The following PTPRD variants were observed in gnomAD, a reference collection of about 807,000 sequenced individuals.
The protein encoded by PTPRD is receptor-type tyrosine-protein phosphatase delta.
A neutral mutation model predicts 214.5 loss-of-function variants in PTPRD; 34 were observed. The ratio of observed to expected loss-of-function variants is 0.16; its 90% CI spans 0.12 to 0.21. PTPRD has a LOEUF of 0.21. Among genes scored for constraint, PTPRD ranks in the 10% least tolerant of loss-of-function variants. The pLI, the probability that PTPRD is intolerant of heterozygous loss-of-function variation, is 1.00. For synonymous variants in PTPRD, 1,128 were observed against 845.7 expected, an observed-to-expected ratio of 1.33 and a Z score of -5.79; for missense variants, 2,545 against 2,398.7, an observed-to-expected ratio of 1.06 and a Z score of -1.27.
At chr9:10,338,402 C>A (rs1307781751) in intron 3 of PTPRD, among the ~76,000 whole-genome samples, 2 of 151,674 alleles carry the variant, frequency 1.3e-5, no homozygotes, top group African/African-American at 4.8e-5. Context: ...CACACGCAGA[C>A]AAATGAAACT....
chr9:10,484,313 C>A (rs2099118610), intron 2 of PTPRD, among the ~76,000 whole-genome samples: 1 of 152,044 alleles, frequency 6.6e-6, no homozygotes, highest in African/African-American at 2.4e-5. Context: ...TGTGGAAAGA[C>A]AGTTGTACCC....
intron 3 of PTPRD, among the ~76,000 whole-genome samples, chr9:10,038,271 A>C (rs892163488): frequency 6.6e-6 from 1 of 152,086 alleles, no homozygotes; most frequent in Non-Finnish European, 1.5e-5. Context: ...ATTCTACAAC[A>C]TCTCTCATGA....
chr9:8,791,448 A>G (rs1162664719), intron 11 of PTPRD, among the ~76,000 whole-genome samples: 1 of 149,870 alleles, frequency 6.7e-6, no homozygotes, highest in African/African-American at 2.5e-5. Context: ...CTGGTCTCGA[A>G]CTCCTGACCT....
At chr9:8,809,323 C>T (rs1038064023) in intron 11 of PTPRD, among the ~76,000 whole-genome samples, 3 of 152,142 alleles carry the variant, frequency 2.0e-5, no homozygotes. Context: ...TAATCTCTGA[C>T]ATACAGTGTA....
intron 3 of PTPRD, among the ~76,000 whole-genome samples, chr9:10,090,012 G>C (rs140933966): frequency 2.5e-3 from 386 of 151,702 alleles, no homozygotes; most frequent in African/African-American, 8.6e-3. Flanking sequence ...CACATGCAGA[G>C]AGTGAAGGAC....
chr9:10,064,150 T>C (rs2097833909), intron 3 of PTPRD, among the ~76,000 whole-genome samples: 1 of 151,974 alleles, frequency 6.6e-6, no homozygotes, highest in Admixed American at 6.6e-5. Context: ...CTGTCTTATC[T>C]TTACCAGAAT....
chr9:8,680,872 A>G (rs960861659), intron 12 of PTPRD, among the ~76,000 whole-genome samples: 6 of 152,186 alleles, frequency 3.9e-5, no homozygotes, highest in African/African-American at 1.4e-4. Context: ...ATGTAGTCGA[A>G]TGATTGGCCT....
chr9:10,248,225 G>A (rs2092384332), intron 3 of PTPRD, among the ~76,000 whole-genome samples: 1 of 152,070 alleles, frequency 6.6e-6, no homozygotes, highest in Non-Finnish European at 1.5e-5. Flanking sequence ...AGCAGTAAGG[G>A]TTAAAGTGTC....
intron 14 of PTPRD, among the ~76,000 whole-genome samples, chr9:8,590,795 G>C (rs1051922427): frequency 7.9e-5 from 12 of 152,112 alleles, no homozygotes; most frequent in African/African-American, 2.9e-4. Flanking sequence ...CTAAAATTAA[G>C]GTAGGTAATT....
At chr9:8,876,892 G>A (rs1489793566) in intron 11 of PTPRD, among the ~76,000 whole-genome samples, 1 of 151,752 alleles carries the variant, frequency 6.6e-6, no homozygotes, top group African/African-American at 2.4e-5. Context: ...TATCCTCCTT[G>A]GCCCTTTCCT....
chr9:10,435,552 T>G (rs1234749162), intron 2 of PTPRD, among the ~76,000 whole-genome samples: 1 of 151,848 alleles, frequency 6.6e-6, no homozygotes, highest in South Asian at 2.1e-4. Context: ...ATCACTGCAT[T>G]AGACCTCTGT....
intron 4 of PTPRD, among the ~76,000 whole-genome samples, chr9:10,006,552 G>A (rs2096481457): frequency 6.6e-6 from 1 of 151,948 alleles, no homozygotes; most frequent in African/African-American, 2.4e-5. Context: ...CATTTCTGCA[G>A]AGTTGAGAGA....
intron 12 of PTPRD, among the ~76,000 whole-genome samples, chr9:8,699,682 G>A (rs1054236801): frequency 2.6e-5 from 4 of 151,096 alleles, no homozygotes; most frequent in Non-Finnish European, 4.4e-5. Context: ...TAAACAAGTT[G>A]TAAAAAATTA....
chr9:9,826,257 T>C (rs767842973), intron 5 of PTPRD, among the ~76,000 whole-genome samples: 2 of 151,892 alleles, frequency 1.3e-5, no homozygotes, highest in East Asian at 1.9e-4. Flanking sequence ...ATCTTCTTTC[T>C]AGTTCAGTCT....
At chr9:10,529,261 C>T (rs2055329639) in intron 2 of PTPRD, among the ~76,000 whole-genome samples, 1 of 152,116 alleles carries the variant, frequency 6.6e-6, no homozygotes, top group Non-Finnish European at 1.5e-5. Context: ...TATAAAGACA[C>T]ATTCACACGT....
At chr9:9,911,052 C>A (rs1326152439) in intron 5 of PTPRD, among the ~76,000 whole-genome samples, 1 of 151,838 alleles carries the variant, frequency 6.6e-6, no homozygotes, top group African/African-American at 2.4e-5. Context: ...ATAGTTTGTT[C>A]TTCCATTTCC....
chr9:10,061,673 T>A (rs1019806058), intron 3 of PTPRD, among the ~76,000 whole-genome samples: 3 of 152,088 alleles, frequency 2.0e-5, no homozygotes, highest in African/African-American at 7.2e-5. Flanking sequence ...GGCTGATTTA[T>A]CCAGCCAGAA....
At chr9:9,477,357 G>A (rs916411186) in intron 8 of PTPRD, among the ~76,000 whole-genome samples, 1 of 152,188 alleles carries the variant, frequency 6.6e-6, no homozygotes, top group African/African-American at 2.4e-5. Context: ...TTTCTCATAA[G>A]TGGGATTCCT....
chr9:8,477,212 T>C lies in PTPRD; in HGVS notation c.3414-6127A>G, dbSNP rs572550035. 1.2e-3 allele frequency among the ~76,000 whole-genome samples: 179 copies of C among 152,266 alleles called. 1 individual carries two copies. The highest frequency in any genetic ancestry group is 3.7e-3 in the African/African-American group (153 of 41,578). On this transcript the variant is annotated intron_variant, in intron 30 of 45. Transcript: ENST00000381196. ...CTGCTTTGCCCGTCTGCCTCAAGCC[T>C]GGAGTTTAGACTCAAAACAGCTTTT...
Sources: gnomAD v4.1 joint callset for allele counts (sites outside exome capture counted in the v4.1 genomes callset) on GRCh38, gnomAD v4.1.1 for gene constraint, MANE v1.5 for transcripts, NCBI Gene and HGNC (gene_info 2026-07-23, HGNC 2026-07-21) for gene names.